Variants in CHRNG observed in about 807,000 individuals in gnomAD.
The protein encoded by CHRNG is cholinergic receptor nicotinic gamma subunit, also known as acetylcholine receptor subunit gamma.
Under a neutral mutation model 65.2 loss-of-function variants are expected in CHRNG, and 72 were observed. The ratio of observed to expected loss-of-function variants is 1.10; its 90% confidence interval spans 0.91 to 1.34. The LOEUF (loss-of-function observed/expected upper bound fraction) is 1.34, where lower values mean the gene tolerates loss of function less well. CHRNG is among the 40% of genes most tolerant of loss of function. CHRNG has a pLI of 0.00. For synonymous variants in CHRNG, 284 were observed against 290.2 expected (o/e 0.98, Z 0.22); for missense variants, 637 against 680.1 (o/e 0.94, Z 0.70).
rs1316678570 is a variant in CHRNG, at chr2:232,547,995, A to G, written c.*2279A>G. 2.2e-6 allele frequency: 1 copy of G among 455,104 alleles called. No homozygotes were observed. Among genetic ancestry groups the G allele is most frequent in the Non-Finnish European group, 3.8e-6 (1 of 260,644 alleles). 28.2% of individuals were successfully genotyped at this position (455,104 alleles called of 1,614,324 possible). ...TGTTTTTGGTTTCCCAATGCATATA[A>G]AAGTTATGTTTACACTATACTGTAG... is the stretch of plus-strand genomic sequence containing the variant. On this transcript the variant is annotated 3_prime_UTR_variant, in exon 12 of 12. Coordinates refer to ENST00000651502, the MANE Select transcript of CHRNG (RefSeq NM_005199.5).
chr2:232,544,063 AG>A (rs998050924), intron 9 of CHRNG, among the ~76,000 whole-genome samples: 8 of 152,210 alleles, frequency 5.3e-5, no homozygotes, highest in African/African-American at 1.9e-4. Flanking sequence ...GCCCACCTGC[AG>A]CCTTCAGCTT....
chr2:232,540,536 A>G lies in CHRNG; in HGVS notation c.241-66A>G. ...TGCCTCTTCTGTCCTCTTGGGCTGGATGCCCACTCCTAGGGCTGTGGTGCA... is the reference window on the plus strand; with the variant it reads ...TGCCTCTTCTGTCCTCTTGGGCTGGGTGCCCACTCCTAGGGCTGTGGTGCA... On this transcript the variant is annotated intron_variant, in intron 3 of 11. Coordinates refer to ENST00000651502, the MANE Select transcript of CHRNG (RefSeq NM_005199.5). The surrounding 1 kb of genome is among the most constrained non-coding windows in gnomAD (Gnocchi z 4.2). 3 of 1,595,276 alleles carry G rather than the reference A, an allele frequency of 1.9e-6. No individual in the cohort carries two copies. The highest frequency in any genetic ancestry group is 2.6e-6 in the Non-Finnish European group (3 of 1,169,128).
chr2:232,543,794 C>A, intron 9 of CHRNG, 95 bp downstream of exon 9: 1 of 776,280 alleles, frequency 1.3e-6, no homozygotes, highest in Non-Finnish European at 2.3e-6. Context: ...TGGCATTCCA[C>A]AGCACACCCA....
chr2:232,545,513 G>A (rs1692112040), intron 11 of CHRNG, 30 bp from the exon 12 acceptor site: 2 of 1,608,630 alleles, frequency 1.2e-6, no homozygotes, highest in East Asian at 2.2e-5. Context: ...TGCCGCCGCT[G>A]GTTATCCCAC....
At position 232,543,022 on chromosome 2, in the gene CHRNG, A is replaced by T. The variant is rs1456560098; in HGVS notation, c.745A>T (p.Ile249Phe). Residue 249 changes from isoleucine to phenylalanine, a missense_variant, in exon 7 of 12, where the codon ATC becomes TTC. Physicochemically the swap from Ile to Phe is conservative, Grantham distance 21. Transcript: ENST00000651502. ...RKPLFYVINI[I>F]APCVLISSVA... ...GCCCCTCTTCTACGTCATCAACATC[A>T]TCGCCCCCTGTGTGCTCATCTCCTC... 1.2e-6 allele frequency: 2 copies of T among 1,614,080 alleles called. No individual in the cohort carries two copies. Among genetic ancestry groups the T allele is most frequent in the East Asian group, 4.5e-5 (2 of 44,866 alleles).
Position 232,542,408 on chromosome 2 carries a change from C to G in CHRNG, c.507-15C>G, listed in dbSNP as rs1306247830. ...CACCCGCTCACATTTAGCCTCTTTC[C>G]TCGGTGACTCCCAGGTCCCAGACTT... On this transcript the variant is annotated splice_polypyrimidine_tract_variant and intron_variant, in intron 5 of 11. Transcript: ENST00000651502. The G allele has an allele frequency of 6.3e-7, 1 of 1,595,632 alleles. No homozygotes were observed. The highest frequency in any genetic ancestry group is 2.2e-5 in the East Asian group (1 of 44,794).
Position 232,540,985 on chromosome 2 carries a change from C to G in CHRNG, c.350+274C>G, listed in dbSNP as rs780701421. 6.6e-6 allele frequency among the ~76,000 whole-genome samples: 1 copy of G among 151,940 alleles called. No homozygotes were observed. The highest frequency in any genetic ancestry group is 1.5e-5 in the Non-Finnish European group (1 of 67,988). ...TGCTCCCTTCCCTGTAACATGGGGC[C>G]GCTGACGGGTCCTATAGAAGCTGGC... On this transcript the variant is annotated intron_variant, in intron 4 of 11. Transcript: ENST00000651502. This position sits in a 1 kb window ranked among gnomAD's most constrained non-coding sequence, Gnocchi z 4.2.
At position 232,548,048 on chromosome 2, in the gene CHRNG, A is replaced by C; in HGVS notation, c.*2332A>C. On this transcript the variant is annotated 3_prime_UTR_variant, in exon 12 of 12. Transcript: ENST00000651502. The stretch of plus-strand genomic sequence containing the variant: ...CAGCAAGAGTGCAATAGCATTGTCT[A>C]ATAAAACAATATACATACCTAAATT... 1 of 569,460 alleles carries C rather than the reference A, an allele frequency of 1.8e-6. No individual in the cohort carries two copies. The highest frequency in any genetic ancestry group is 1.9e-5 in the African/African-American group (1 of 52,630). The allele number at this position is 569,460 out of a possible 1,614,324, so 35.3% of individuals were successfully genotyped here. A position where few individuals can be genotyped will look rare whatever the true frequency, so the allele number is the denominator to read the frequency against.
Position 232,540,279 on chromosome 2 carries a change from AC to A in CHRNG, c.196-101del, listed in dbSNP as rs1455252194. On this transcript the variant is annotated intron_variant, in intron 2 of 11. Transcript: ENST00000651502. This position sits in a 1 kb window ranked among gnomAD's most constrained non-coding sequence, Gnocchi z 4.2. ...AAACCCCCATGGTTGTGGGGGGAGT[AC>A]TATCAAGAGGCTGGGGGATGCTTGG... The A allele has an allele frequency of 1.3e-5, 20 of 1,595,276 alleles. 1 individual carries two copies. In the Middle Eastern group the frequency reaches 5.0e-4, roughly 40 times the overall value.
chr2:232,540,807 G>T lies in CHRNG; in HGVS notation c.350+96G>T. 8.4e-7 allele frequency: 1 copy of T among 1,186,608 alleles called. No homozygotes were observed. Among genetic ancestry groups the T allele is most frequent in the Non-Finnish European group, 1.2e-6 (1 of 826,894 alleles). The allele number at this position is 1,186,608 out of a possible 1,614,324, so 73.5% of individuals were successfully genotyped here. The stretch of plus-strand genomic sequence containing the variant: ...CTCTGGGAAAAGAGAAAGATGAGCA[G>T]AGGGTGCAAATCGGGCACCTGTGGG... On this transcript the variant is annotated intron_variant, in intron 4 of 11. Transcript: ENST00000651502. The surrounding 1 kb of genome is among the most constrained non-coding windows in gnomAD (Gnocchi z 4.2).
Position 232,540,660 on chromosome 2 carries a change from T to A in CHRNG, c.299T>A (p.Leu100Gln). The change falls in exon 4 of 12, where the codon CTG (leucine) becomes CAG (glutamine). Residue 100 changes from leucine to glutamine, a missense_variant. Physicochemically the swap from Leu to Gln is moderately radical, Grantham distance 113. Transcript: ENST00000651502. The surrounding 1 kb of genome is among the most constrained non-coding windows in gnomAD (Gnocchi z 4.2). ...CGAGACTACGAAGGCCTGTGGGTGC[T>A]GAGGGTGCCGTCCACCATGGTGTGG... The part of the protein sequence containing the change: ...DPRDYEGLWV[L>Q]RVPSTMVWRP... The A allele has an allele frequency of 6.2e-7, 1 of 1,613,170 alleles. No homozygotes were observed. Among genetic ancestry groups the A allele is most frequent in the Non-Finnish European group, 8.5e-7 (1 of 1,179,970 alleles).
Position 232,540,479 on chromosome 2 carries a change from C to G in CHRNG, c.240+54C>G. The G allele has an allele frequency of 6.2e-7, 1 of 1,608,406 alleles. No homozygotes were observed. Among genetic ancestry groups the G allele is most frequent in the Non-Finnish European group, 8.5e-7 (1 of 1,177,356 alleles). On this transcript the variant is annotated intron_variant, in intron 3 of 11. Coordinates refer to ENST00000651502, the MANE Select transcript of CHRNG (RefSeq NM_005199.5). The surrounding 1 kb of genome is among the most constrained non-coding windows in gnomAD (Gnocchi z 4.2). ...CATCAGGGGTCCCACCCCACCACCC[C>G]AAGGCCTCCTGAGAGTTGCCTGCCC...
At chr2:232,539,934 G>T in intron 1 of CHRNG, 58 bp from the exon 2 acceptor site, 2 of 1,612,982 alleles carry the variant, frequency 1.2e-6, no homozygotes, top group South Asian at 2.2e-5. Flanking sequence ...ACACCCCCAG[G>T]GCCTCCCCGC....
intron 11 of CHRNG, 36 bp from the exon 12 acceptor site, chr2:232,545,507 G>T: frequency 6.3e-7 from 1 of 1,597,976 alleles, no homozygotes. Context: ...ACCTGGTGCC[G>T]CCGCTGGTTA....
Position 232,540,766 on chromosome 2 carries a change from C to T in CHRNG, c.350+55C>T. The T allele has an allele frequency of 6.7e-7, 1 of 1,485,502 alleles. No homozygotes were observed. Among genetic ancestry groups the T allele is most frequent in the Non-Finnish European group, 9.2e-7 (1 of 1,081,976 alleles). 92.0% of individuals were successfully genotyped at this position (1,485,502 alleles called of 1,614,324 possible). On this transcript the variant is annotated intron_variant, in intron 4 of 11. Transcript: ENST00000651502. This position sits in a 1 kb window ranked among gnomAD's most constrained non-coding sequence, Gnocchi z 4.2. ...GGGACAAAGGACACAGGGTCTGGGCCCAGCAGAACAAGGCACTCTGGGAAA... is the reference window on the plus strand; with the variant it reads ...GGGACAAAGGACACAGGGTCTGGGCTCAGCAGAACAAGGCACTCTGGGAAA...
chr2:232,544,016 T>G (rs573917497), intron 9 of CHRNG, among the ~76,000 whole-genome samples: 1 of 152,358 alleles, frequency 6.6e-6, no homozygotes, highest in East Asian at 1.9e-4. Flanking sequence ...AGCAGGAGTC[T>G]GCCAGGGCAG....
intron 10 of CHRNG, 71 bp downstream of exon 10, chr2:232,544,651 A>G: frequency 6.4e-7 from 1 of 1,562,620 alleles, no homozygotes; most frequent in Non-Finnish European, 8.8e-7. Flanking sequence ...GGCACAGCAG[A>G]TGAGTGCTGG....
rs765407839 is a variant in CHRNG, at chr2:232,542,993, G to A, written c.716G>A (p.Arg239His). ...GTGGTGTTCTACCTGCTCATCCAGC[G>A]CAAGCCCCTCTTCTACGTCATCAAC... ...QKVVFYLLIQ[R>H]KPLFYVINII... Residue 239 changes from arginine (R) to histidine (H), a missense_variant, in exon 7 of 12, where the codon CGC (arginine) becomes CAC (histidine). Arg to His is a conservative substitution (Grantham distance 29, BLOSUM62 0). Coordinates refer to ENST00000651502, the MANE Select transcript of CHRNG (RefSeq NM_005199.5). 42 of 1,614,048 alleles carry A rather than the reference G, an allele frequency of 2.6e-5. No individual in the cohort carries two copies. The highest frequency in any genetic ancestry group is 5.0e-5 in the Admixed American group (3 of 60,000).
chr2:232,543,231 G>T, intron 7 of CHRNG, 44 bp from the exon 8 acceptor site: 1 of 1,558,312 alleles, frequency 6.4e-7, no homozygotes, highest in Non-Finnish European at 8.9e-7. Context: ...TCTGTGGGTG[G>T]GGGAGGTAGG....
Sources: allele counts gnomAD v4.1 joint callset (sites outside exome capture counted in the v4.1 genomes callset), GRCh38; gene constraint gnomAD v4.1.1; non-coding constraint Gnocchi (gnomAD v3.1); transcripts MANE v1.5; gene names NCBI Gene and HGNC (gene_info 2026-07-23, HGNC 2026-07-21).